Variants in PFKL observed in about 807,000 individuals in gnomAD.
PFKL encodes the protein phosphofructokinase, liver type, also known as ATP-dependent 6-phosphofructokinase, liver type.
In PFKL, 74 loss-of-function variants were observed where a neutral mutation model predicts 92.1. The ratio of observed to expected loss-of-function variants is 0.80; its 90% CI spans 0.67 to 0.97. The LOEUF (loss-of-function observed/expected upper bound fraction) is 0.97. Among genes scored for constraint, PFKL ranks in the 50% least tolerant of loss-of-function variants. The pLI, the probability that PFKL is intolerant of heterozygous loss-of-function variation, is 0.00. For missense variants in PFKL, 1,028 were observed against 1,116.6 expected, an observed-to-expected ratio of 0.92 and a Z score of 1.13; for synonymous variants, 494 against 456.4, an observed-to-expected ratio of 1.08 and a Z score of -1.05.
chr21:44,302,128 G>A (rs1373316159), intron 1 of PFKL, among the ~76,000 whole-genome samples: 2 of 152,208 alleles, frequency 1.3e-5, no homozygotes, highest in Non-Finnish European at 2.9e-5. Flanking sequence ...GCCTGATATG[G>A]AGTGGGCAGC....
chr21:44,312,781 CG>C (rs1193347465), intron 4 of PFKL, among the ~76,000 whole-genome samples, 196 bp from the exon 5 acceptor site: 1 of 152,192 alleles, frequency 6.6e-6, no homozygotes, highest in Non-Finnish European at 1.5e-5. Flanking sequence ...AGAGGTCCCC[CG>C]TCTGCACTTG....
chr21:44,324,581 ACC>A lies in PFKL; in HGVS notation c.1742_1743del (p.Thr581SerfsTer51). 6.2e-7 allele frequency: 1 copy of A among 1,612,910 alleles called. No homozygotes were observed. Among genetic ancestry groups the A allele is most frequent in the Non-Finnish European group, 8.5e-7 (1 of 1,179,744 alleles). On this transcript the variant is annotated frameshift_variant, in exon 17 of 22. Transcript: ENST00000349048. LOFTEE classifies it high-confidence loss of function. ...GGGGGGTTACTGTGGCTACCTGGCC[ACC>A]GTGACTGGCATTGCTGTGGGGGCCG... Reference protein sequence around the residue: ...TMGGYCGYLATVTGIAVGADA... With the variant: ...TMGGYCGYLAXVTGIAVGADA...
Position 44,300,217 on chromosome 21 carries a change from G to A in PFKL, c.85+27G>A. 2.9e-6 allele frequency: 3 copies of A among 1,042,524 alleles called. 1 individual carries two copies. Among genetic ancestry groups the A allele is most frequent in the Non-Finnish European group, 3.5e-6 (3 of 863,488 alleles). 64.6% of individuals were successfully genotyped at this position (1,042,524 alleles called of 1,614,324 possible). On this transcript the variant is annotated intron_variant, in intron 1 of 21. Coordinates refer to ENST00000349048, the MANE Select transcript of PFKL (RefSeq NM_002626.6). Reference sequence around the variant, plus strand: ...TGGGCGGGGGTCCCGGCCGCGTCGCGGCGCAGGGGGTGGAGGGCGCCTCCG... The same window carrying A: ...TGGGCGGGGGTCCCGGCCGCGTCGCAGCGCAGGGGGTGGAGGGCGCCTCCG...
chr21:44,300,205 C>A lies in PFKL; in HGVS notation c.85+15C>A, dbSNP rs1450632458. 5 of 1,076,168 alleles carry A rather than the reference C, an allele frequency of 4.6e-6. No homozygotes were observed. The African/African-American group carries it at 8.6e-5, about 18-fold the overall frequency. 66.7% of individuals were successfully genotyped at this position (1,076,168 alleles called of 1,614,324 possible). ...CGACGCGCAAGGTGGGCGGGGGTCC[C>A]GGCCGCGTCGCGGCGCAGGGGGTGG... On this transcript the variant is annotated intron_variant, in intron 1 of 21. Transcript: ENST00000349048.
chr21:44,315,910 C>T, intron 7 of PFKL: 1 of 370,650 alleles, frequency 2.7e-6, no homozygotes, highest in Non-Finnish European at 5.1e-6. Context: ...CGTCTTCCCG[C>T]CTGGAAGGCT....
chr21:44,314,407 C>T lies in PFKL; in HGVS notation c.747+386C>T, dbSNP rs148688141. 136 of 208,110 alleles carry T rather than the reference C, an allele frequency of 6.5e-4. 1 individual carries two copies. The East Asian group carries it at 0.015, about 22-fold the overall frequency. The allele number at this position is 208,110 out of a possible 1,614,324, so 12.9% of individuals were successfully genotyped here. ...CCAGACGGCAGGGCTGTGGGGGTGGCGAGGCCAGGAGCTGGGCCAGTGGGG... is the reference window on the plus strand; with the variant it reads ...CCAGACGGCAGGGCTGTGGGGGTGGTGAGGCCAGGAGCTGGGCCAGTGGGG... On this transcript the variant is annotated intron_variant, in intron 7 of 21. Transcript: ENST00000349048.
chr21:44,303,252 A>T (rs9637179), intron 1 of PFKL, among the ~76,000 whole-genome samples: 3 of 149,648 alleles, frequency 2.0e-5, no homozygotes, highest in African/African-American at 7.4e-5. Flanking sequence ...ACAAGAAAAA[A>T]CCCCAAAAAT....
chr21:44,324,437 C>T (rs988713830), intron 16 of PFKL, 54 bp from the exon 17 acceptor site: 5 of 1,591,414 alleles, frequency 3.1e-6, no homozygotes, highest in South Asian at 1.1e-5. Context: ...ATGCCGACGG[C>T]CTACAGGGAA....
chr21:44,322,631 C>G lies in PFKL; in HGVS notation c.1410-331C>G, dbSNP rs114144798. Among the ~76,000 whole-genome samples the G allele has an allele frequency of 8.3e-3, 1,270 of 152,318 alleles. 19 individuals are homozygous for G. The highest frequency in any genetic ancestry group is 0.029 in the African/African-American group (1,189 of 41,560). ...TGCTGAGTCCTGAGCCACTGAGTGG[C>G]TGCAAGGGCCAGAGGAAGCATCCGC... On this transcript the variant is annotated intron_variant, in intron 14 of 21. Transcript: ENST00000349048.
At chr21:44,313,833 G>T in intron 6 of PFKL, 80 bp from the exon 7 acceptor site, 1 of 1,354,180 alleles carries the variant, frequency 7.4e-7, no homozygotes, top group Non-Finnish European at 1.0e-6. Flanking sequence ...CTGTGGCCCA[G>T]AGTCGGACCT....
At position 44,325,234 on chromosome 21, in the gene PFKL, C is replaced by CAG. The variant is rs1226513960; in HGVS notation, c.1960_1961dup (p.Thr655GlyfsTer27). 28 of 1,612,002 alleles carry CAG rather than the reference C, an allele frequency of 1.7e-5. No homozygotes were observed. Among genetic ancestry groups the CAG allele is most frequent in the Non-Finnish European group, 2.3e-5 (27 of 1,178,898 alleles). On this transcript the variant is annotated frameshift_variant, in exon 19 of 22. Transcript: ENST00000349048. LOFTEE classifies it high-confidence loss of function. Reference sequence around the variant, plus strand: ...CAGAGGGCAAGGGCGTCTTCGACTGCAGGACCAATGTCCTGGGCCACCTGC... The same window carrying CAG: ...CAGAGGGCAAGGGCGTCTTCGACTGCAGAGGACCAATGTCCTGGGCCACCTGC...
At chr21:44,302,440 G>T (rs1018526214) in intron 1 of PFKL, among the ~76,000 whole-genome samples, 2 of 152,194 alleles carry the variant, frequency 1.3e-5, no homozygotes, top group Non-Finnish European at 2.9e-5. Flanking sequence ...CATGAGTTCG[G>T]AAAAGCAGTC....
intron 9 of PFKL, among the ~76,000 whole-genome samples, chr21:44,317,877 G>A (rs771262237): frequency 1.2e-4 from 18 of 152,262 alleles, no homozygotes; most frequent in Non-Finnish European, 2.5e-4. Flanking sequence ...GAACACGGAG[G>A]GCTGTCTGTG....
chr21:44,305,606 C>T (rs1400899193), intron 1 of PFKL, among the ~76,000 whole-genome samples: 1 of 152,190 alleles, frequency 6.6e-6, no homozygotes, highest in Non-Finnish European at 1.5e-5. Context: ...TACACGGCCC[C>T]AGACCTCACT....
At position 44,327,210 on chromosome 21, in the gene PFKL, C is replaced by T. The variant is rs1602064077; in HGVS notation, c.*348C>T. 2.2e-5 allele frequency: 7 copies of T among 320,686 alleles called. No homozygotes were observed. Among genetic ancestry groups the T allele is most frequent in the East Asian group, 5.9e-5 (1 of 17,018 alleles). The allele number at this position is 320,686 out of a possible 1,614,324, so 19.9% of individuals were successfully genotyped here. ...ATGCTGGGCTCACTACATGGGCCAGCCCTTGCTCTACCTGGCCGGTAGGCT... is the reference window on the plus strand; with the variant it reads ...ATGCTGGGCTCACTACATGGGCCAGTCCTTGCTCTACCTGGCCGGTAGGCT... On this transcript the variant is annotated 3_prime_UTR_variant, in exon 22 of 22. Coordinates refer to ENST00000349048, the MANE Select transcript of PFKL (RefSeq NM_002626.6).
At chr21:44,306,616 T>C in intron 1 of PFKL, 65 bp from the exon 2 acceptor site, 1 of 1,393,400 alleles carries the variant, frequency 7.2e-7, no homozygotes, top group Non-Finnish European at 1.0e-6. Flanking sequence ...TCCTCTGAGA[T>C]GGGGAGGGTG....
rs1485685279 is a variant in PFKL, at chr21:44,311,073, TCATC to T, written c.230_233del (p.Ile77SerfsTer79). 3 of 1,612,578 alleles carry T rather than the reference TCATC, an allele frequency of 1.9e-6. No homozygotes were observed. The highest frequency in any genetic ancestry group is 2.5e-6 in the Non-Finnish European group (3 of 1,179,332). On this transcript the variant is annotated frameshift_variant, in exon 3 of 22. Transcript: ENST00000349048. LOFTEE classifies it high-confidence loss of function. ...GCCAACTGGCTGAGCGTCTCCAACA[TCATC>T]CAGCTGGTGAGGCCTGGGAACGCGG...
chr21:44,311,191 C>T (rs543931627), intron 3 of PFKL, 108 bp downstream of exon 3: 1 of 772,008 alleles, frequency 1.3e-6, no homozygotes, highest in African/African-American at 1.7e-5. Context: ...CGTGCACAAA[C>T]ACACACATGC....
Position 44,316,463 on chromosome 21 carries a change from G to C in PFKL, c.875G>C (p.Arg292Pro). Reference sequence around the variant, plus strand: ...GTTCAGAGGCTGGGCTTCGACACCCGTGTAACTGTGCTGGGCCACGTGCAG... The same window carrying C: ...GTTCAGAGGCTGGGCTTCGACACCCCTGTAACTGTGCTGGGCCACGTGCAG... ...LVVQRLGFDT[R>P]VTVLGHVQRG... is the part of the protein sequence containing the mutation. Residue 292 changes from arginine (R) to proline (P), a missense_variant, in exon 9 of 22, where the codon CGT (arginine) becomes CCT (proline). Transcript: ENST00000349048. 6.2e-7 allele frequency: 1 copy of C among 1,611,446 alleles called. No homozygotes were observed. Among genetic ancestry groups the C allele is most frequent in the Non-Finnish European group, 8.5e-7 (1 of 1,178,772 alleles).
Sources: allele counts gnomAD v4.1 joint callset (sites outside exome capture counted in the v4.1 genomes callset), GRCh38; gene constraint gnomAD v4.1.1; transcripts MANE v1.5; gene names NCBI Gene and HGNC (gene_info 2026-07-23, HGNC 2026-07-21).